Variants in RB1CC1 observed in about 807,000 individuals in gnomAD.
RB1CC1 encodes the protein RB1-inducible coiled-coil protein 1.
RB1CC1 carries 46 observed loss-of-function variants against 177.5 expected under a neutral mutation model. The ratio of observed to expected loss-of-function variants is 0.26; its 90% CI spans 0.20 to 0.33. The LOEUF is 0.33. RB1CC1 is among the 10% of genes least tolerant of loss of function. RB1CC1 has a pLI of 1.00. For missense variants in RB1CC1, 1,703 were observed against 1,816.3 expected, an observed-to-expected ratio of 0.94 and a Z score of 1.13; for synonymous variants, 666 against 613.6, an observed-to-expected ratio of 1.09 and a Z score of -1.26.
chr8:52,703,756 A>G (rs1206771938), intron 1 of RB1CC1, among the ~76,000 whole-genome samples: 1 of 152,208 alleles, frequency 6.6e-6, no homozygotes, highest in African/African-American at 2.4e-5. Flanking sequence ...CCCAAGCTGT[A>G]TTGCAAATGG....
chr8:52,699,345 C>CT (rs1855774140), intron 1 of RB1CC1, among the ~76,000 whole-genome samples: 1 of 152,110 alleles, frequency 6.6e-6, no homozygotes, highest in Non-Finnish European at 1.5e-5. Context: ...TAGGGGATAT[C>CT]TGTTCTTCAA....
chr8:52,645,653 A>C (rs753308159), intron 16 of RB1CC1, 49 bp downstream of exon 16: 1 of 1,553,246 alleles, frequency 6.4e-7, no homozygotes, highest in Non-Finnish European at 8.8e-7. Flanking sequence ...TTGTTAATTT[A>C]TGTCTACCTT....
chr8:52,706,983 A>T (rs1674700734), intron 1 of RB1CC1, among the ~76,000 whole-genome samples: 1 of 152,172 alleles, frequency 6.6e-6, no homozygotes, highest in South Asian at 2.1e-4. Flanking sequence ...TGTAAACATA[A>T]GAGGGAGAAC....
chr8:52,671,515 G>A (rs537775751), intron 7 of RB1CC1, among the ~76,000 whole-genome samples: 3 of 152,228 alleles, frequency 2.0e-5, no homozygotes, highest in African/African-American at 7.2e-5. Flanking sequence ...CTTCAGAAAT[G>A]CCCCTAGTCT....
chr8:52,648,532 T>C (rs1396466998), intron 15 of RB1CC1, among the ~76,000 whole-genome samples: 1 of 152,060 alleles, frequency 6.6e-6, no homozygotes, highest in African/African-American at 2.4e-5. Context: ...AGGGAGGTCA[T>C]GAAGAAAAGG....
Position 52,700,657 on chromosome 8 carries a change from TACAA to T in RB1CC1, c.-167+13414_-167+13417del, listed in dbSNP as rs1028444289. Among the ~76,000 whole-genome samples, 11 of 152,312 alleles carry T rather than the reference TACAA, an allele frequency of 7.2e-5. 1 individual carries two copies. In the East Asian group the frequency reaches 1.9e-3, roughly 27 times the overall value. ...CCAATCCATTAACATGAGCAGAACA[TACAA>T]ACAATGTCTGATATGACCACCCTGT... On this transcript the variant is annotated intron_variant, in intron 1 of 23. Transcript: ENST00000025008.
chr8:52,663,112 CATCT>C, intron 8 of RB1CC1, among the ~76,000 whole-genome samples: 1 of 152,048 alleles, frequency 6.6e-6, no homozygotes. Context: ...CCTCATAAAT[CATCT>C]AGTACTAATT....
intron 15 of RB1CC1, 24 bp from the exon 16 acceptor site, chr8:52,645,891 A>T (rs900340862): frequency 3.2e-6 from 5 of 1,566,158 alleles, no homozygotes; most frequent in Non-Finnish European, 4.3e-6. Flanking sequence ...TACAGCATTA[A>T]ATTAAAAAAA....
At position 52,656,316 on chromosome 8, in the gene RB1CC1, G is replaced by GT. The variant is rs756984292; in HGVS notation, c.3512dup (p.Asn1171LysfsTer8). 6.2e-7 allele frequency: 1 copy of GT among 1,612,518 alleles called. No homozygotes were observed. ...GCAGTTCAATTATTTGTTCTTTTAGGTTTTTTTCTATTTCAAATGCTTGGT... is the reference window on the plus strand; with the variant it reads ...GCAGTTCAATTATTTGTTCTTTTAGGTTTTTTTTCTATTTCAAATGCTTGGT... On this transcript the variant is annotated frameshift_variant, in exon 15 of 24. Transcript: ENST00000025008. LOFTEE classifies it high-confidence loss of function.
chr8:52,683,825 T>G lies in RB1CC1; in HGVS notation c.198+62A>C, dbSNP rs538977274. 1.0e-5 allele frequency: 16 copies of G among 1,581,386 alleles called. No homozygotes were observed. In the African/African-American group the frequency reaches 1.1e-4, roughly 11 times the overall value. ...GCAAATAAACCTTACTTTTGAACAC[T>G]GAGTTCCCAATGTGATGTAAAGATG... On this transcript the variant is annotated intron_variant, in intron 4 of 23. Coordinates refer to ENST00000025008, the MANE Select transcript of RB1CC1 (RefSeq NM_014781.5).
chr8:52,648,656 T>C (rs1850276223), intron 15 of RB1CC1, among the ~76,000 whole-genome samples: 1 of 152,188 alleles, frequency 6.6e-6, no homozygotes, highest in Non-Finnish European at 1.5e-5. Flanking sequence ...ACAAACCCTG[T>C]ATTTTTTCCA....
chr8:52,667,686 T>TA (rs1212783281), intron 8 of RB1CC1, among the ~76,000 whole-genome samples: 1 of 152,232 alleles, frequency 6.6e-6, no homozygotes, highest in Admixed American at 6.5e-5. Flanking sequence ...CTCCTATTCT[T>TA]AAAAAATTTC....
chr8:52,648,565 T>A (rs1448248367), intron 15 of RB1CC1, among the ~76,000 whole-genome samples: 1 of 152,148 alleles, frequency 6.6e-6, no homozygotes, highest in Non-Finnish European at 1.5e-5. Context: ...ACAGTTCAGT[T>A]AGAAAAATAC....
In RB1CC1 at chr8:52,676,550, T is replaced by C; in HGVS notation, c.391A>G (p.Lys131Glu). The change falls in exon 6 of 24, where the codon AAA (lysine) becomes GAA (glutamate). Residue 131 changes from lysine (K) to glutamate (E), a missense_variant. Physicochemically the swap from Lys to Glu is moderately conservative, Grantham distance 56 (BLOSUM62 1). Around this residue, in one of 6 missense-constraint regions of RB1CC1, gnomAD observed 315 missense variants for 304.9 expected, o/e 1.03. Coordinates refer to ENST00000025008, the MANE Select transcript of RB1CC1 (RefSeq NM_014781.5). Reference protein sequence around the residue: ...LALEMYEVAKKLCSFCEGLVH... With the variant: ...LALEMYEVAKELCSFCEGLVH... Reference sequence around the variant, plus strand: ...AGACCTTCACAAAAAGAACAAAGTTTCTTGGCAACTTCATACATTTCCTAT... The same window carrying C: ...AGACCTTCACAAAAAGAACAAAGTTCCTTGGCAACTTCATACATTTCCTAT... 2 of 1,604,708 alleles carry C rather than the reference T, an allele frequency of 1.2e-6. No homozygotes were observed. The highest frequency in any genetic ancestry group is 1.7e-6 in the Non-Finnish European group (2 of 1,177,184).
chr8:52,627,900 T>A, intron 22 of RB1CC1, 132 bp downstream of exon 22: 2 of 736,242 alleles, frequency 2.7e-6, no homozygotes, highest in South Asian at 4.9e-5. Context: ...ACAGATTTTA[T>A]AAAAAAGCAG....
chr8:52,690,465 C>T (rs1340201670), intron 1 of RB1CC1, among the ~76,000 whole-genome samples: 2 of 152,102 alleles, frequency 1.3e-5, no homozygotes, highest in African/African-American at 4.8e-5. Context: ...ATGATATAAG[C>T]TGTAATCAAC....
chr8:52,654,012 T>C (rs1450062728), intron 15 of RB1CC1, among the ~76,000 whole-genome samples: 1 of 152,164 alleles, frequency 6.6e-6, no homozygotes, highest in Non-Finnish European at 1.5e-5. Flanking sequence ...AAACTCTCAC[T>C]TCACGACACA....
chr8:52,703,889 G>A (rs552746649), intron 1 of RB1CC1, among the ~76,000 whole-genome samples: 27 of 151,786 alleles, frequency 1.8e-4, no homozygotes, highest in African/African-American at 6.6e-4. Flanking sequence ...AACCAAAACT[G>A]AAATCAGAAA....
rs750400751 is a variant in RB1CC1, at chr8:52,656,340, G to T, written c.3489C>A (p.Asn1163Lys). Residue 1163 changes from asparagine to lysine, a missense_variant, in exon 15 of 24, where the codon AAC becomes AAA. Coordinates refer to ENST00000025008, the MANE Select transcript of RB1CC1 (RefSeq NM_014781.5). ...GGTTTTTTTCTATTTCAAATGCTTG[G>T]TTATGCAAAGATGTTACTTTGTTTA... ...AELNKVTSLH[N>K]QAFEIEKNLK... The T allele has an allele frequency of 6.2e-7, 1 of 1,612,080 alleles. No homozygotes were observed. The highest frequency in any genetic ancestry group is 1.7e-5 in the Admixed American group (1 of 59,820).
Sources: allele counts gnomAD v4.1 joint callset (sites outside exome capture counted in the v4.1 genomes callset), GRCh38; gene constraint gnomAD v4.1.1; regional missense constraint gnomAD v4.1.1; transcripts MANE v1.5; gene names NCBI Gene and HGNC (gene_info 2026-07-23, HGNC 2026-07-21).